The following RC3H1 variants were observed in gnomAD, a reference collection of about 807,000 sequenced individuals.
The protein encoded by RC3H1 is roquin-1.
RC3H1 carries 50 observed loss-of-function variants against 138.2 expected under a neutral mutation model. That is an observed-to-expected ratio of 0.36 (90% confidence interval 0.29 to 0.46). The LOEUF is 0.46. RC3H1 is among the 20% of genes least tolerant of loss of function. The probability of loss-of-function intolerance (pLI) is 1.00; values close to 1 mark genes in which losing one functional copy is unlikely to be tolerated. For missense variants in RC3H1, 1,031 were observed against 1,388.1 expected (o/e 0.74, Z 4.09); for synonymous variants, 462 against 489.1 (o/e 0.94, Z 0.73).
At chr1:173,992,103 A>G (rs1326908357) in intron 2 of RC3H1, among the ~76,000 whole-genome samples, 3 of 152,146 alleles carry the variant, frequency 2.0e-5, no homozygotes, top group Non-Finnish European at 4.4e-5. Context: ...TTTATGAACA[A>G]TAGTTTTCTC....
chr1:173,958,800 A>T (rs1659750934), intron 13 of RC3H1, among the ~76,000 whole-genome samples: 1 of 151,554 alleles, frequency 6.6e-6, no homozygotes, highest in Non-Finnish European at 1.5e-5. Flanking sequence ...TTTTTTGAGC[A>T]ATCTTATTTG....
chr1:173,991,080 ATT>A (rs1661268334), intron 2 of RC3H1, among the ~76,000 whole-genome samples: 1 of 152,174 alleles, frequency 6.6e-6, no homozygotes, highest in Non-Finnish European at 1.5e-5. Context: ...AAATACAAAA[ATT>A]AGCTGGGTAT....
chr1:173,968,983 C>T (rs369242913), intron 9 of RC3H1, among the ~76,000 whole-genome samples: 3 of 151,364 alleles, frequency 2.0e-5, no homozygotes, highest in South Asian at 2.1e-4. Flanking sequence ...CTCAGCCTCC[C>T]GAGTAGCTTG....
At chr1:173,978,220 G>A (rs189711224) in intron 7 of RC3H1, among the ~76,000 whole-genome samples, 23 of 152,136 alleles carry the variant, frequency 1.5e-4, no homozygotes, top group Admixed American at 1.0e-3. Flanking sequence ...ATTTTGTGAC[G>A]GGAGAAAGAA....
At chr1:173,985,050 T>A (rs1444340520) in intron 2 of RC3H1, among the ~76,000 whole-genome samples, 2 of 152,216 alleles carry the variant, frequency 1.3e-5, no homozygotes, top group Admixed American at 6.5e-5. Flanking sequence ...ACATTTCATA[T>A]AAGCAAAATC....
intron 7 of RC3H1, among the ~76,000 whole-genome samples, chr1:173,974,812 G>C (rs965487777): frequency 6.6e-6 from 1 of 152,104 alleles, no homozygotes; most frequent in South Asian, 2.1e-4. Flanking sequence ...GGGTCGCTCC[G>C]GCTCTTTTGT....
In RC3H1 at chr1:173,982,707, G is replaced by A. The variant is rs368127805; in HGVS notation, c.768+20C>T. 4.9e-5 allele frequency: 76 copies of A among 1,558,272 alleles called. No individual in the cohort carries two copies. In the African/African-American group the frequency reaches 8.7e-4, roughly 18 times the overall value. ...AGAACAATATTTCCTTTCAAGCTGA[G>A]CTTTAATGTAGGTTCATACCTTGAA... On this transcript the variant is annotated intron_variant, in intron 5 of 19. Transcript: ENST00000367696.
intron 6 of RC3H1, among the ~76,000 whole-genome samples, chr1:173,980,511 TCTTA>T (rs934311558): frequency 6.6e-6 from 1 of 152,108 alleles, no homozygotes; most frequent in African/African-American, 2.4e-5. Context: ...TTTAGGTTAC[TCTTA>T]CTATTTGACT....
At chr1:173,991,674 T>A (rs187870614) in intron 2 of RC3H1, among the ~76,000 whole-genome samples, 1 of 152,222 alleles carries the variant, frequency 6.6e-6, no homozygotes, top group Non-Finnish European at 1.5e-5. Context: ...TGAAAAGGTA[T>A]TGGATTTTGC....
chr1:173,942,104 T>G (rs1244135691), intron 18 of RC3H1, among the ~76,000 whole-genome samples: 5 of 150,792 alleles, frequency 3.3e-5, no homozygotes, highest in Non-Finnish European at 7.4e-5. Context: ...TGGCTGGGTG[T>G]GGTGGCAGGT....
intron 1 of RC3H1, among the ~76,000 whole-genome samples, chr1:174,020,380 T>G (rs958312164): frequency 2.6e-5 from 4 of 152,190 alleles, no homozygotes; most frequent in Non-Finnish European, 4.4e-5. Context: ...TGCTAATCTA[T>G]TCAGTGTCAA....
intron 9 of RC3H1, among the ~76,000 whole-genome samples, chr1:173,966,052 G>C (rs188069709): frequency 1.3e-4 from 20 of 152,146 alleles, no homozygotes; most frequent in African/African-American, 4.8e-4. Flanking sequence ...TGAGGCGGGA[G>C]GATCACTTGA....
chr1:173,978,035 G>T (rs534413511), intron 7 of RC3H1, among the ~76,000 whole-genome samples: 1 of 152,060 alleles, frequency 6.6e-6, no homozygotes, highest in African/African-American at 2.4e-5. Flanking sequence ...TTCAGGTTAC[G>T]GAGAAGGAGC....
In RC3H1 at chr1:173,933,672, T is replaced by C. The variant is rs1658472315; in HGVS notation, c.*5049A>G. 6.6e-6 allele frequency: 1 copy of C among 152,166 alleles called. No homozygotes were observed. Among genetic ancestry groups the C allele is most frequent in the Non-Finnish European group, 1.5e-5 (1 of 67,992 alleles). The allele number at this position is 152,166 out of a possible 1,614,324, so 9.4% of individuals were successfully genotyped here. A position where few individuals can be genotyped will look rare whatever the true frequency, so the allele number is the denominator to read the frequency against. ...AAGTCATTTCAGCAGGAAAATTTCA[T>C]AAACCTGAGCTGAAGCAACAAATAA... On this transcript the variant is annotated 3_prime_UTR_variant, in exon 20 of 20. Coordinates refer to ENST00000367696, the MANE Select transcript of RC3H1 (RefSeq NM_172071.4).
At chr1:174,014,943 T>C (rs767991204) in intron 1 of RC3H1, among the ~76,000 whole-genome samples, 3 of 152,166 alleles carry the variant, frequency 2.0e-5, no homozygotes, top group Non-Finnish European at 4.4e-5. Context: ...TCAGGAGCAA[T>C]ACTTTATATA....
chr1:173,996,548 A>G (rs1352770112), intron 1 of RC3H1, among the ~76,000 whole-genome samples: 1 of 152,168 alleles, frequency 6.6e-6, no homozygotes, highest in Non-Finnish European at 1.5e-5. Flanking sequence ...TCACCTAGAC[A>G]GCTGGAACCA....
At chr1:173,962,117 C>A in intron 11 of RC3H1, 22 bp from the exon 12 acceptor site, 1 of 1,551,598 alleles carries the variant, frequency 6.4e-7, no homozygotes, top group Non-Finnish European at 8.7e-7. Context: ...AAAAGAGGAC[C>A]CAAAAGCAAA....
intron 19 of RC3H1, among the ~76,000 whole-genome samples, chr1:173,940,939 A>C (rs962054259): frequency 2.6e-5 from 4 of 151,574 alleles, no homozygotes; most frequent in African/African-American, 9.7e-5. Context: ...CTCCTGCCTC[A>C]GCCTCCCGAG....
intron 1 of RC3H1, among the ~76,000 whole-genome samples, chr1:174,008,964 G>A (rs1407917991): frequency 7.4e-6 from 1 of 134,866 alleles, no homozygotes; most frequent in Non-Finnish European, 1.6e-5. Context: ...GCAACAGAGT[G>A]AGACTTTGTC....
Sources: allele counts gnomAD v4.1 joint callset (sites outside exome capture counted in the v4.1 genomes callset), GRCh38; gene constraint gnomAD v4.1.1; transcripts MANE v1.5; gene names NCBI Gene and HGNC (gene_info 2026-07-23, HGNC 2026-07-21).